The following FBXW7 variants were observed in gnomAD, a reference collection of about 807,000 sequenced individuals.
FBXW7 encodes the protein F-box/WD repeat-containing protein 7.
FBXW7 carries 11 observed loss-of-function variants against 86.3 expected under a neutral mutation model. The ratio of observed to expected loss-of-function variants is 0.13; its 90% CI spans 0.08 to 0.21. The LOEUF (loss-of-function observed/expected upper bound fraction) is 0.21, where lower values mean the gene tolerates loss of function less well. Among genes scored for constraint, FBXW7 ranks in the 10% least tolerant of loss-of-function variants. FBXW7 has a pLI of 1.00. For synonymous variants in FBXW7, 313 were observed against 297.9 expected (o/e 1.05, Z -0.52); for missense variants, 488 against 847.4 (o/e 0.58, Z 5.27).
At chr4:152,485,722 G>C (rs1745274606) in intron 2 of FBXW7, among the ~76,000 whole-genome samples, 2 of 152,268 alleles carry the variant, frequency 1.3e-5, no homozygotes, top group Middle Eastern at 3.4e-3. Flanking sequence ...CCAAGTCCAG[G>C]TCTGGGGTAA....
chr4:152,387,395 A>G (rs78634147), intron 4 of FBXW7, among the ~76,000 whole-genome samples: 2,079 of 152,248 alleles, frequency 0.014, 25 homozygotes, highest in Middle Eastern at 0.037. Context: ...TACAGAGTAA[A>G]GCAGATTATT....
At chr4:152,525,976 T>G (rs1015976855) in intron 2 of FBXW7, among the ~76,000 whole-genome samples, 1 of 152,244 alleles carries the variant, frequency 6.6e-6, no homozygotes, top group African/African-American at 2.4e-5. Flanking sequence ...TGTTATTTTT[T>G]GACTTTTTAT....
intron 2 of FBXW7, among the ~76,000 whole-genome samples, chr4:152,523,408 A>T (rs545183864): frequency 6.6e-6 from 1 of 152,354 alleles, no homozygotes; most frequent in South Asian, 2.1e-4. Flanking sequence ...GTATACAGTT[A>T]GACTAGTCAG....
At chr4:152,396,035 A>T (rs1023033554) in intron 4 of FBXW7, among the ~76,000 whole-genome samples, 8 of 152,012 alleles carry the variant, frequency 5.3e-5, no homozygotes, top group Non-Finnish European at 1.2e-4. Flanking sequence ...CCTGGCTCTT[A>T]TATTTAGTCC....
chr4:152,417,788 C>T (rs572965346), intron 2 of FBXW7, among the ~76,000 whole-genome samples: 1 of 152,224 alleles, frequency 6.6e-6, no homozygotes, highest in South Asian at 2.1e-4. Flanking sequence ...GCTTGACAGC[C>T]TCCATCTATC....
rs138876306 is a variant in FBXW7 at position 152,486,532 on chromosome 4, G to A, written c.-120+48409C>T. ...AGACACAAACAAACACATTAGACTA[G>A]CCCTACACAGGGTCAGGATCATCAG... On this transcript the variant is annotated intron_variant, in intron 2 of 13. Transcript: ENST00000281708. Among the ~76,000 whole-genome samples the A allele has an allele frequency of 5.4e-3, 816 of 152,060 alleles. 8 individuals carry two copies. The highest frequency in any genetic ancestry group is 0.014 in the Middle Eastern group (4 of 294).
At chr4:152,467,011 C>A (rs1047651240) in intron 2 of FBXW7, among the ~76,000 whole-genome samples, 1 of 152,152 alleles carries the variant, frequency 6.6e-6, no homozygotes, top group Non-Finnish European at 1.5e-5. Context: ...TCCTTCTTCA[C>A]AAGAAAGATA....
At chr4:152,389,773 T>C (rs981537281) in intron 4 of FBXW7, among the ~76,000 whole-genome samples, 13 of 152,028 alleles carry the variant, frequency 8.6e-5, no homozygotes, top group African/African-American at 3.1e-4. Flanking sequence ...AAAAGCATAT[T>C]ACAGCTCTAA....
intron 2 of FBXW7, among the ~76,000 whole-genome samples, chr4:152,480,386 C>T (rs996612116): frequency 6.6e-6 from 1 of 152,118 alleles, no homozygotes; most frequent in Non-Finnish European, 1.5e-5. Flanking sequence ...CAGCCAATCC[C>T]TATCTCTCTC....
At chr4:152,408,627 C>T (rs1485304474) in intron 4 of FBXW7, among the ~76,000 whole-genome samples, 3 of 152,192 alleles carry the variant, frequency 2.0e-5, no homozygotes, top group Admixed American at 2.0e-4. Flanking sequence ...TATAGGGTAG[C>T]TCTTATCACT....
chr4:152,324,067 T>C (rs571454739), intron 13 of FBXW7, 117 bp downstream of exon 13: 58 of 731,054 alleles, frequency 7.9e-5, no homozygotes, highest in Middle Eastern at 4.0e-4. Context: ...TTCATAAACT[T>C]TTCTGAAGTA....
chr4:152,344,547 C>G (rs1238126336), intron 6 of FBXW7, among the ~76,000 whole-genome samples: 1 of 143,168 alleles, frequency 7.0e-6, no homozygotes, highest in Non-Finnish European at 1.5e-5. Context: ...TTTTTTTTTT[C>G]ACATTAACAT....
At position 152,505,605 on chromosome 4, in the gene FBXW7, T is replaced by G. The variant is rs190179911; in HGVS notation, c.-120+29336A>C. ...CTACACAGGATTAGGATCATCAATA[T>G]CACTGTCTTCCATCTCCACATAATG... On this transcript the variant is annotated intron_variant, in intron 2 of 13. Coordinates refer to ENST00000281708, the MANE Select transcript of FBXW7 (RefSeq NM_001349798.2). 1.1e-4 allele frequency among the ~76,000 whole-genome samples: 16 copies of G among 152,264 alleles called. 1 individual carries two copies. Among genetic ancestry groups the G allele is most frequent in the Admixed American group, 7.8e-4 (12 of 15,292 alleles).
chr4:152,330,710 A>G (rs1249148866), intron 9 of FBXW7, 22 bp downstream of exon 9: 1 of 1,606,656 alleles, frequency 6.2e-7, no homozygotes, highest in East Asian at 2.2e-5. Flanking sequence ...GGTTTCTGTT[A>G]CATTGTGCAG....
intron 2 of FBXW7, among the ~76,000 whole-genome samples, chr4:152,442,424 G>T (rs755486314): frequency 1.3e-5 from 2 of 152,160 alleles, no homozygotes; most frequent in South Asian, 2.1e-4. Flanking sequence ...AACATTATTA[G>T]TTTAAAAACT....
chr4:152,368,708 T>C (rs557801088), intron 4 of FBXW7, among the ~76,000 whole-genome samples: 1 of 152,212 alleles, frequency 6.6e-6, no homozygotes, highest in African/African-American at 2.4e-5. Flanking sequence ...GGAAACTATA[T>C]ACTAGACATT....
intron 2 of FBXW7, among the ~76,000 whole-genome samples, chr4:152,517,955 T>G (rs1748651046): frequency 6.6e-6 from 1 of 152,184 alleles, no homozygotes; most frequent in Non-Finnish European, 1.5e-5. Flanking sequence ...ATTTTTAATC[T>G]TTTATAGAAC....
At chr4:152,451,696 G>C (rs1741921413) in intron 2 of FBXW7, 2 of 151,604 alleles carry the variant, frequency 1.3e-5, no homozygotes, top group South Asian at 4.2e-4. Context: ...GGAAGCTAAA[G>C]TGGGAAGATC....
Position 152,535,515 on chromosome 4 carries a change from C to G in FBXW7, c.-601G>C. On this transcript the variant is annotated 5_prime_UTR_variant, in exon 1 of 14. Coordinates refer to ENST00000281708, the MANE Select transcript of FBXW7 (RefSeq NM_001349798.2). ...CCCCGGCCGGGGGGTGGTTGCCGAGCTTGGTTGGGGCCCCGGTTCATACAC... is the reference window on the plus strand; with the variant it reads ...CCCCGGCCGGGGGGTGGTTGCCGAGGTTGGTTGGGGCCCCGGTTCATACAC... The G allele has an allele frequency of 2.5e-6, 1 of 395,214 alleles. No individual in the cohort carries two copies. The highest frequency in any genetic ancestry group is 4.5e-6 in the Non-Finnish European group (1 of 223,930). The allele number at this position is 395,214 out of a possible 1,614,324, so 24.5% of individuals were successfully genotyped here. A position where few individuals can be genotyped will look rare whatever the true frequency, so the allele number is the denominator to read the frequency against.
Sources: allele counts gnomAD v4.1 joint callset (sites outside exome capture counted in the v4.1 genomes callset), GRCh38; gene constraint gnomAD v4.1.1; transcripts MANE v1.5; gene names NCBI Gene and HGNC (gene_info 2026-07-23, HGNC 2026-07-21).